The following DYNC1I1 variants were observed in gnomAD, a reference collection of about 807,000 sequenced individuals.
The protein encoded by DYNC1I1 is dynein cytoplasmic 1 intermediate chain 1, also known as cytoplasmic dynein 1 intermediate chain 1.
In DYNC1I1, 43 loss-of-function variants were observed where a neutral mutation model predicts 86.6. That is an observed-to-expected ratio of 0.50 (90% CI 0.39 to 0.64). DYNC1I1 has a LOEUF of 0.64. DYNC1I1 is among the 30% of genes least tolerant of loss of function. DYNC1I1 has a pLI of 0.00. For missense variants in DYNC1I1, 604 were observed against 788.8 expected, an observed-to-expected ratio of 0.77 and a Z score of 2.81; for synonymous variants, 262 against 283.7, an observed-to-expected ratio of 0.92 and a Z score of 0.77.
At chr7:95,981,649 C>T (rs11771573) in intron 7 of DYNC1I1, among the ~76,000 whole-genome samples, 12,222 of 152,042 alleles carry the variant, frequency 0.08, 601 homozygotes, top group Admixed American at 0.11. Context: ...TCTTAAAGAG[C>T]TCTTTAAATG....
intron 6 of DYNC1I1, among the ~76,000 whole-genome samples, chr7:95,945,872 T>C (rs995329865): frequency 6.6e-6 from 1 of 152,146 alleles, no homozygotes; most frequent in African/African-American, 2.4e-5. Flanking sequence ...ATTGCAGCAC[T>C]ATTTACAATA....
intron 10 of DYNC1I1, among the ~76,000 whole-genome samples, chr7:96,012,446 G>C (rs1354429709): frequency 6.6e-6 from 1 of 152,140 alleles, no homozygotes; most frequent in East Asian, 1.9e-4. Context: ...TCTCTATTCT[G>C]CCTGGAACTT....
chr7:96,108,346 T>A (rs985356464), intron 16 of DYNC1I1, among the ~76,000 whole-genome samples: 1 of 152,140 alleles, frequency 6.6e-6, no homozygotes, highest in Non-Finnish European at 1.5e-5. Context: ...AAAAGGATAT[T>A]TCTATCTCTT....
rs536937996 is a variant in DYNC1I1 at position 95,899,026 on chromosome 7, A to T, written c.490+29028A>T. 5.3e-5 allele frequency among the ~76,000 whole-genome samples: 8 copies of T among 152,318 alleles called. No homozygotes were observed. The South Asian group carries it at 1.5e-3, about 28-fold the overall frequency. ...TTTTGTTTTGTCACCAAGTAAAGGT[A>T]GGCTTTTTGATTTTTTTTCCAAGTA... On this transcript the variant is annotated intron_variant, in intron 6 of 16. Coordinates refer to ENST00000447467, the MANE Select transcript of DYNC1I1 (RefSeq NM_001135556.2).
chr7:95,897,546 A>G (rs1279285057), intron 6 of DYNC1I1, among the ~76,000 whole-genome samples: 1 of 152,146 alleles, frequency 6.6e-6, no homozygotes, highest in East Asian at 1.9e-4. Flanking sequence ...CCTAGAGGGC[A>G]GGAAAGAAGA....
intron 5 of DYNC1I1, among the ~76,000 whole-genome samples, chr7:95,837,247 C>G (rs1473791683): frequency 5.9e-5 from 9 of 152,008 alleles, no homozygotes; most frequent in African/African-American, 1.9e-4. Context: ...TCAGTGTGCC[C>G]CTGCTGGGGG....
chr7:95,815,788 A>G (rs1794932819), intron 4 of DYNC1I1, among the ~76,000 whole-genome samples: 1 of 152,230 alleles, frequency 6.6e-6, no homozygotes, highest in African/African-American at 2.4e-5. Context: ...TTCAGAAGAT[A>G]ACAAGAATTA....
intron 14 of DYNC1I1, among the ~76,000 whole-genome samples, chr7:96,050,049 A>C (rs1041903827): frequency 2.6e-5 from 4 of 151,248 alleles, no homozygotes; most frequent in African/African-American, 4.9e-5. Context: ...AAAAAAAAAA[A>C]CAGTATAGCT....
chr7:96,014,122 A>G (rs1794345991), intron 10 of DYNC1I1, among the ~76,000 whole-genome samples: 1 of 152,164 alleles, frequency 6.6e-6, no homozygotes, highest in Non-Finnish European at 1.5e-5. Context: ...TTTACTTAGG[A>G]GGACTCATCT....
At chr7:96,052,418 ATAGT>A (rs1206161747) in intron 14 of DYNC1I1, among the ~76,000 whole-genome samples, 1 of 152,150 alleles carries the variant, frequency 6.6e-6, no homozygotes, top group African/African-American at 2.4e-5. Context: ...GACACATGAG[ATAGT>A]TAGTACTCTC....
intron 10 of DYNC1I1, among the ~76,000 whole-genome samples, chr7:96,010,766 A>T (rs1794256785): frequency 6.6e-6 from 1 of 152,256 alleles, no homozygotes; most frequent in Admixed American, 6.5e-5. Context: ...TTGTACAAAT[A>T]AAATGAGTAG....
chr7:95,901,282 T>G (rs1367478333), intron 6 of DYNC1I1, among the ~76,000 whole-genome samples: 2 of 152,206 alleles, frequency 1.3e-5, no homozygotes, highest in African/African-American at 4.8e-5. Flanking sequence ...GGACTGCCTG[T>G]GAGATCTGGG....
intron 5 of DYNC1I1, among the ~76,000 whole-genome samples, chr7:95,849,960 G>A (rs920754994): frequency 2.0e-5 from 3 of 151,988 alleles, no homozygotes; most frequent in African/African-American, 7.2e-5. Flanking sequence ...CCTAAGTGCT[G>A]TGTTATTTTG....
chr7:96,039,269 T>A lies in DYNC1I1; in HGVS notation c.1365-8T>A. 1 of 1,612,890 alleles carries A rather than the reference T, an allele frequency of 6.2e-7. No individual in the cohort carries two copies. Among genetic ancestry groups the A allele is most frequent in the Non-Finnish European group, 8.5e-7 (1 of 1,179,348 alleles). On this transcript the variant is annotated splice_region_variant and splice_polypyrimidine_tract_variant and intron_variant, in intron 13 of 16. Coordinates refer to ENST00000447467, the MANE Select transcript of DYNC1I1 (RefSeq NM_001135556.2). ...CTGGAATTCTGCTCATGTGTGCTCT[T>A]CCTACAGCAAAGCAGGTATTGGTGA...
At chr7:95,884,599 C>A (rs953849443) in intron 6 of DYNC1I1, among the ~76,000 whole-genome samples, 3 of 151,984 alleles carry the variant, frequency 2.0e-5, no homozygotes, top group African/African-American at 7.3e-5. Context: ...ATGAAATGAA[C>A]TACAGGCATG....
intron 10 of DYNC1I1, among the ~76,000 whole-genome samples, chr7:95,999,687 G>A (rs1192991807): frequency 1.3e-5 from 2 of 152,126 alleles, no homozygotes; most frequent in African/African-American, 2.4e-5. Context: ...AGTGTGGGCT[G>A]GTGGTTAGGA....
At chr7:96,053,167 A>G (rs539685948) in intron 14 of DYNC1I1, among the ~76,000 whole-genome samples, 4 of 152,312 alleles carry the variant, frequency 2.6e-5, no homozygotes, top group East Asian at 3.9e-4. Context: ...TGCCCCGCCC[A>G]ATTCACTACA....
At chr7:95,928,167 GAT>G (rs1383153093) in intron 6 of DYNC1I1, among the ~76,000 whole-genome samples, 2 of 152,260 alleles carry the variant, frequency 1.3e-5, no homozygotes, top group African/African-American at 2.4e-5. Flanking sequence ...CCTCCTTCAG[GAT>G]AGCACCCATT....
chr7:95,826,151 C>T (rs888176856), intron 4 of DYNC1I1, among the ~76,000 whole-genome samples: 22 of 152,136 alleles, frequency 1.4e-4, no homozygotes, highest in African/African-American at 4.1e-4. Context: ...GCAATATTCC[C>T]GGGTATCTGT....
Sources: gnomAD v4.1 joint callset for allele counts (sites outside exome capture counted in the v4.1 genomes callset) on GRCh38, gnomAD v4.1.1 for gene constraint, MANE v1.5 for transcripts, NCBI Gene and HGNC (gene_info 2026-07-23, HGNC 2026-07-21) for gene names.